CSMD1: variants seen among roughly 807,000 people sequenced by gnomAD.
CSMD1 encodes CUB and sushi domain-containing protein 1.
In CSMD1, 213 loss-of-function variants were observed where a neutral mutation model predicts 417.5. The observed-to-expected ratio is 0.51, with a 90% CI of 0.46 to 0.57. The LOEUF is 0.57. CSMD1 is among the 20% of genes least tolerant of loss of function. The probability of loss-of-function intolerance (pLI) is 0.00; values close to 1 mark genes in which losing one functional copy is unlikely to be tolerated. For missense variants in CSMD1, 6,923 were observed against 4,529.7 expected (o/e 1.53, Z -15.17); for synonymous variants, 2,862 against 1,736.8 (o/e 1.65, Z -16.11).
chr8:3,259,078 T>G (rs569127761), intron 26 of CSMD1, among the ~76,000 whole-genome samples: 1 of 152,202 alleles, frequency 6.6e-6, no homozygotes, highest in African/African-American at 2.4e-5. Flanking sequence ...CTGCTACTTA[T>G]ATATAAAGCA....
Position 3,790,170 on chromosome 8 carries a change from A to G in CSMD1, c.819-36128T>C, listed in dbSNP as rs181336648. On this transcript the variant is annotated intron_variant, in intron 5 of 69. Coordinates refer to ENST00000635120, the MANE Select transcript of CSMD1 (RefSeq NM_033225.6). ...GCTCACATGCCGTTTTATAATTTCA[A>G]ATACATAATCAGAACTCTTTTGCAT... is the stretch of plus-strand genomic sequence containing the variant. Among the ~76,000 whole-genome samples the G allele has an allele frequency of 9.8e-5, 15 of 152,384 alleles. No individual in the cohort carries two copies. In the East Asian group the frequency reaches 1.3e-3, roughly 14 times the overall value.
chr8:2,972,990 G>C, intron 57 of CSMD1, 127 bp downstream of exon 57: 1 of 896,120 alleles, frequency 1.1e-6, no homozygotes, highest in East Asian at 2.7e-5. Context: ...CAAATATTGC[G>C]GGGAAAAGAT....
At chr8:3,119,401 A>AC (rs1349699856) in intron 41 of CSMD1, among the ~76,000 whole-genome samples, 2 of 147,644 alleles carry the variant, frequency 1.4e-5, no homozygotes, top group South Asian at 2.2e-4. Context: ...AAAAAAAAAA[A>AC]AAAAAAAAAA....
rs186211521 is a variant in CSMD1 at position 4,411,296 on chromosome 8, A to G, written c.415+8657T>C. ...CTATGGAGTTAACTTGCCCTTTACT[A>G]TATTCCTTTTAGACAAGTAACTATT... is the stretch of plus-strand genomic sequence containing the variant. On this transcript the variant is annotated intron_variant, in intron 3 of 69. Coordinates refer to ENST00000635120, the MANE Select transcript of CSMD1 (RefSeq NM_033225.6). 1.7e-3 allele frequency among the ~76,000 whole-genome samples: 258 copies of G among 152,252 alleles called. 2 individuals carry two copies. Among genetic ancestry groups the G allele is most frequent in the African/African-American group, 5.5e-3 (228 of 41,550 alleles).
chr8:3,728,123 C>G (rs558716546), intron 6 of CSMD1, among the ~76,000 whole-genome samples: 1 of 152,120 alleles, frequency 6.6e-6, no homozygotes, highest in Admixed American at 6.5e-5. Flanking sequence ...TTCCCACGTG[C>G]GATGGGAGGG....
At chr8:3,211,945 G>A (rs544548407) in intron 30 of CSMD1, among the ~76,000 whole-genome samples, 1 of 152,190 alleles carries the variant, frequency 6.6e-6, no homozygotes, top group African/African-American at 2.4e-5. Flanking sequence ...GCCCACCCTG[G>A]GCCAGGACAG....
chr8:4,425,788 T>A (rs1384600857), intron 2 of CSMD1, among the ~76,000 whole-genome samples: 4 of 152,166 alleles, frequency 2.6e-5, no homozygotes, highest in Non-Finnish European at 5.9e-5. Context: ...CAGTAGCAAG[T>A]CTTCCTTCTG....
intron 41 of CSMD1, among the ~76,000 whole-genome samples, chr8:3,135,445 T>C (rs914332642): frequency 4.6e-5 from 7 of 151,246 alleles, no homozygotes; most frequent in African/African-American, 1.7e-4. Context: ...GCTGATCACA[T>C]TTCTGACTCT....
intron 3 of CSMD1, among the ~76,000 whole-genome samples, chr8:4,366,367 T>A (rs1371298338): frequency 6.6e-6 from 1 of 152,186 alleles, no homozygotes; most frequent in Non-Finnish European, 1.5e-5. Context: ...TGTTTACCAT[T>A]GAGAATAGCA....
intron 2 of CSMD1, among the ~76,000 whole-genome samples, chr8:4,425,006 C>A (rs1166698514): frequency 6.6e-6 from 1 of 151,878 alleles, no homozygotes; most frequent in Non-Finnish European, 1.5e-5. Flanking sequence ...TATTTAATAA[C>A]AAAACATTAA....
chr8:4,247,774 T>C (rs1040608353), intron 3 of CSMD1, among the ~76,000 whole-genome samples: 13 of 152,274 alleles, frequency 8.5e-5, no homozygotes, highest in East Asian at 1.9e-4. Context: ...AACTTTAAAA[T>C]AGAATCTGAA....
At position 3,189,959 on chromosome 8, in the gene CSMD1, A is replaced by C; in HGVS notation, c.5351T>G (p.Val1784Gly). The C allele has an allele frequency of 6.3e-7, 1 of 1,598,336 alleles. No individual in the cohort carries two copies. The highest frequency in any genetic ancestry group is 8.5e-7 in the Non-Finnish European group (1 of 1,172,860). ...GTTCCACTGTGCCAAGGCGTTGGGC[A>C]CGGACTGGCAGTGGAGCGCCGTGGA... ...QGSTALHCQS[V>G]PNALAQWNDT... The change falls in exon 34 of 70, where the codon GTG becomes GGG. Residue 1784 changes from valine to glycine, a missense_variant. Coordinates refer to ENST00000635120, the MANE Select transcript of CSMD1 (RefSeq NM_033225.6).
intron 2 of CSMD1, among the ~76,000 whole-genome samples, chr8:4,572,208 G>C (rs1039380104): frequency 6.6e-6 from 1 of 152,198 alleles, no homozygotes; most frequent in African/African-American, 2.4e-5. Flanking sequence ...TTTCTTCATA[G>C]TGTTGTTGGT....
intron 1 of CSMD1, among the ~76,000 whole-genome samples, chr8:4,720,422 T>G (rs1294587714): frequency 6.6e-6 from 1 of 152,118 alleles, no homozygotes; most frequent in Non-Finnish European, 1.5e-5. Flanking sequence ...TTTGAATAAT[T>G]TTTTTTGTTT....
intron 1 of CSMD1, among the ~76,000 whole-genome samples, chr8:4,811,477 C>A (rs1429403651): frequency 6.6e-6 from 1 of 151,940 alleles, no homozygotes; most frequent in East Asian, 1.9e-4. Flanking sequence ...TCAAAAAATA[C>A]AATTTTATCA....
chr8:4,136,253 A>G (rs982567189), intron 3 of CSMD1, among the ~76,000 whole-genome samples: 3 of 152,220 alleles, frequency 2.0e-5, no homozygotes, highest in Non-Finnish European at 4.4e-5. Context: ...GACTTGACAG[A>G]TTGTAACTTG....
At chr8:4,150,580 G>A (rs1012679025) in intron 3 of CSMD1, among the ~76,000 whole-genome samples, 1 of 152,168 alleles carries the variant, frequency 6.6e-6, no homozygotes, top group Non-Finnish European at 1.5e-5. Context: ...CATAACTCAG[G>A]TACAGGTAAA....
chr8:3,063,566 T>C (rs1361292860), intron 49 of CSMD1, among the ~76,000 whole-genome samples: 1 of 152,164 alleles, frequency 6.6e-6, no homozygotes, highest in African/African-American at 2.4e-5. Context: ...ATAGCTAAAA[T>C]ATGAAAGCAA....
At chr8:3,941,929 G>A (rs998305837) in intron 5 of CSMD1, among the ~76,000 whole-genome samples, 2 of 152,208 alleles carry the variant, frequency 1.3e-5, no homozygotes, top group African/African-American at 2.4e-5. Context: ...TGAGCAGTGG[G>A]CCAGCTAGCA....
Sources: gnomAD v4.1 joint callset for allele counts (sites outside exome capture counted in the v4.1 genomes callset) on GRCh38, gnomAD v4.1.1 for gene constraint, MANE v1.5 for transcripts, NCBI Gene and HGNC (gene_info 2026-07-23, HGNC 2026-07-21) for gene names.